The following ALOX5 variants were observed in gnomAD, a reference collection of about 807,000 sequenced individuals.
ALOX5 encodes polyunsaturated fatty acid 5-lipoxygenase.
In ALOX5, 64 loss-of-function variants were observed where a neutral mutation model predicts 87.9. That is an observed-to-expected ratio of 0.73 (90% CI 0.60 to 0.90). The LOEUF (loss-of-function observed/expected upper bound fraction) is 0.90, where lower values mean the gene tolerates loss of function less well. Ranked by LOEUF, ALOX5 falls within the 40% of genes least tolerant of loss-of-function variation. The pLI, the probability that ALOX5 is intolerant of heterozygous loss-of-function variation, is 0.00. For missense variants in ALOX5, 822 were observed against 907.5 expected (o/e 0.91, Z 1.21); for synonymous variants, 388 against 355.1 (o/e 1.09, Z -1.04).
rs143383132 is a variant in ALOX5 at position 45,386,097 on chromosome 10, C to G, written c.349+3416C>G. On this transcript the variant is annotated intron_variant, in intron 2 of 13. Coordinates refer to ENST00000374391, the MANE Select transcript of ALOX5 (RefSeq NM_000698.5). Reference sequence around the variant, plus strand: ...CGGGTGGATCACAAGGTCAGGAGATCGAGACCATCCTGGCTAACACAGTAA... The same window carrying G: ...CGGGTGGATCACAAGGTCAGGAGATGGAGACCATCCTGGCTAACACAGTAA... Among the ~76,000 whole-genome samples the G allele has an allele frequency of 2.8e-3, 432 of 152,024 alleles. 8 individuals carry two copies. The highest frequency in any genetic ancestry group is 1.1e-3 in the Non-Finnish European group (74 of 67,986).
At chr10:45,382,021 G>A (rs1237951507) in intron 1 of ALOX5, among the ~76,000 whole-genome samples, 2 of 152,224 alleles carry the variant, frequency 1.3e-5, no homozygotes, top group South Asian at 2.1e-4. Flanking sequence ...CAAGTTGTAC[G>A]TGGCATGGGA....
chr10:45,440,493 C>G lies in ALOX5; in HGVS notation c.1045C>G (p.Leu349Val). 1 of 1,614,228 alleles carries G rather than the reference C, an allele frequency of 6.2e-7. No homozygotes were observed. Among genetic ancestry groups the G allele is most frequent in the African/African-American group, 1.3e-5 (1 of 75,054 alleles). Residue 349 changes from leucine (L) to valine (V), a missense_variant, in exon 8 of 14, where the codon CTT (leucine) becomes GTT (valine). Physicochemically the swap from Leu to Val is conservative, Grantham distance 32. Transcript: ENST00000374391. Reference protein sequence around the residue: ...FLPSDAKYDWLLAKIWVRSSD... With the variant: ...FLPSDAKYDWVLAKIWVRSSD... ...CCCTTCGGATGCAAAATACGACTGGCTTTTGGCCAAAATCTGGGTGCGTTC... is the reference window on the plus strand; with the variant it reads ...CCCTTCGGATGCAAAATACGACTGGGTTTTGGCCAAAATCTGGGTGCGTTC...
In ALOX5 at chr10:45,374,235, G is replaced by A. The variant is rs773560583; in HGVS notation, c.-45G>A. On this transcript the variant is annotated 5_prime_UTR_variant, in exon 1 of 14. Transcript: ENST00000374391. ...GGCGCTAGATGCGGACACCTGGACC[G>A]CCGCGCCGAGGCTCCCGGCGCTCGC... 1.4e-6 allele frequency: 2 copies of A among 1,443,568 alleles called. No individual in the cohort carries two copies. The highest frequency in any genetic ancestry group is 1.4e-5 in the South Asian group (1 of 72,970). The allele number at this position is 1,443,568 out of a possible 1,614,324, so 89.4% of individuals were successfully genotyped here. A position where few individuals can be genotyped will look rare whatever the true frequency, so the allele number is the denominator to read the frequency against.
intron 7 of ALOX5, among the ~76,000 whole-genome samples, chr10:45,438,490 G>A (rs866540978): frequency 1.1e-5 from 1 of 92,654 alleles, no homozygotes; most frequent in Non-Finnish European, 2.2e-5. Flanking sequence ...AGGATGTCAG[G>A]AACATGTCAG....
At chr10:45,389,270 C>T (rs1032630365) in intron 2 of ALOX5, among the ~76,000 whole-genome samples, 12 of 152,130 alleles carry the variant, frequency 7.9e-5, no homozygotes, top group African/African-American at 2.9e-4. Flanking sequence ...AAACACTCTG[C>T]AGGATATTAT....
chr10:45,439,738 T>A (rs1044155397), intron 7 of ALOX5, among the ~76,000 whole-genome samples: 1 of 152,172 alleles, frequency 6.6e-6, no homozygotes, highest in Non-Finnish European at 1.5e-5. Flanking sequence ...GCAGTTAACA[T>A]GACATGATTT....
At chr10:45,406,449 C>T (rs1840887995) in intron 3 of ALOX5, among the ~76,000 whole-genome samples, 1 of 152,192 alleles carries the variant, frequency 6.6e-6, no homozygotes, top group African/African-American at 2.4e-5. Flanking sequence ...TTACTTTGAA[C>T]TTCACATAAC....
intron 7 of ALOX5, among the ~76,000 whole-genome samples, chr10:45,435,628 A>G (rs1564446116): frequency 6.6e-6 from 1 of 152,194 alleles, no homozygotes; most frequent in Non-Finnish European, 1.5e-5. Context: ...TTTTATGGCT[A>G]TGTAGTATTC....
intron 2 of ALOX5, among the ~76,000 whole-genome samples, chr10:45,393,364 C>G (rs1282637932): frequency 6.6e-6 from 1 of 152,204 alleles, no homozygotes; most frequent in African/African-American, 2.4e-5. Context: ...ACATGATTAT[C>G]TCAATAGATG....
At chr10:45,427,779 G>C (rs1841774327) in intron 6 of ALOX5, among the ~76,000 whole-genome samples, 1 of 152,166 alleles carries the variant, frequency 6.6e-6, no homozygotes, top group South Asian at 2.1e-4. Flanking sequence ...CCCCTCTGCG[G>C]GACCCACTGC....
At chr10:45,428,522 G>A in intron 6 of ALOX5, 96 bp from the exon 7 acceptor site, 1 of 1,476,738 alleles carries the variant, frequency 6.8e-7, no homozygotes, top group Non-Finnish European at 9.3e-7. Flanking sequence ...CGCAGGAAAG[G>A]GAGAGGGGTG....
intron 7 of ALOX5, among the ~76,000 whole-genome samples, chr10:45,430,739 T>G (rs756649863): frequency 1.1e-4 from 17 of 151,908 alleles, no homozygotes; most frequent in Admixed American, 8.5e-4. Context: ...AAAAGATAAA[T>G]TAGAAGAAAT....
Position 45,424,993 on chromosome 10 carries a change from T to C in ALOX5, c.695T>C (p.Met232Thr), listed in dbSNP as rs754054670. ...RVMNHWQEDL[M>T]FGYQFLNGCN... ...ATGAATCACTGGCAGGAAGACCTGATGTTTGGCTACCAGTTCCTGAATGGC... is the reference window on the plus strand; with the variant it reads ...ATGAATCACTGGCAGGAAGACCTGACGTTTGGCTACCAGTTCCTGAATGGC... Residue 232 changes from methionine to threonine, a missense_variant, in exon 6 of 14, where the codon ATG becomes ACG. Transcript: ENST00000374391. 6 of 1,614,104 alleles carry C rather than the reference T, an allele frequency of 3.7e-6. No homozygotes were observed. Among genetic ancestry groups the C allele is most frequent in the Non-Finnish European group, 5.1e-6 (6 of 1,180,032 alleles).
At chr10:45,419,915 G>A (rs1384440298) in intron 4 of ALOX5, among the ~76,000 whole-genome samples, 1 of 152,192 alleles carries the variant, frequency 6.6e-6, no homozygotes, top group Non-Finnish European at 1.5e-5. Flanking sequence ...ATCGGGAGAA[G>A]TGATGGCGGA....
chr10:45,431,563 A>G (rs1319821798), intron 7 of ALOX5, among the ~76,000 whole-genome samples: 1 of 141,932 alleles, frequency 7.0e-6, no homozygotes, highest in Admixed American at 6.7e-5. Flanking sequence ...TTATTTATTT[A>G]TTTATTTATT....
intron 3 of ALOX5, among the ~76,000 whole-genome samples, chr10:45,411,577 G>T (rs1291038646): frequency 6.6e-6 from 1 of 152,204 alleles, no homozygotes; most frequent in Non-Finnish European, 1.5e-5. Context: ...TTGTCTTTGG[G>T]GAAGCTGTTT....
Position 45,378,386 on chromosome 10 carries a change from CTG to C in ALOX5, c.150+3958_150+3959del, listed in dbSNP as rs371964376. ...CTGATCTTGAGGCCACCATTGCTCT[CTG>C]AGCCTCAGTTTCTATCTGTAAAGCA... On this transcript the variant is annotated intron_variant, in intron 1 of 13. Transcript: ENST00000374391. Among the ~76,000 whole-genome samples, 133 of 152,334 alleles carry C rather than the reference CTG, an allele frequency of 8.7e-4. 5 individuals are homozygous for C. In the South Asian group the frequency reaches 0.027, roughly 31 times the overall value.
intron 2 of ALOX5, among the ~76,000 whole-genome samples, chr10:45,391,708 G>A (rs967830749): frequency 7.3e-5 from 11 of 151,484 alleles, no homozygotes; most frequent in African/African-American, 2.7e-4. Context: ...CTGCCCAGCC[G>A]CCCATCATCT....
At chr10:45,441,870 G>A (rs1842246012) in intron 9 of ALOX5, among the ~76,000 whole-genome samples, 1 of 151,962 alleles carries the variant, frequency 6.6e-6, no homozygotes, top group African/African-American at 2.4e-5. Context: ...CCTGCATCGG[G>A]GACTCCAGGC....
Sources: allele counts gnomAD v4.1 joint callset (sites outside exome capture counted in the v4.1 genomes callset), GRCh38; gene constraint gnomAD v4.1.1; transcripts MANE v1.5; gene names NCBI Gene and HGNC (gene_info 2026-07-23, HGNC 2026-07-21).